Variants in IL23R observed in about 807,000 individuals in gnomAD.
The protein encoded by IL23R is interleukin 23 receptor, also known as interleukin-23 receptor.
Under a neutral mutation model 56.9 loss-of-function variants are expected in IL23R, and 34 were observed. That is an observed-to-expected ratio of 0.60 (90% CI 0.45 to 0.80). The LOEUF (loss-of-function observed/expected upper bound fraction) is 0.80, where lower values mean the gene tolerates loss of function less well. Among genes scored for constraint, IL23R ranks in the 30% least tolerant of loss-of-function variants. The pLI is 0.00. For synonymous variants in IL23R, 230 were observed against 249.2 expected (o/e 0.92, Z 0.73); for missense variants, 635 against 730.0 (o/e 0.87, Z 1.50).
chr1:67,182,941 A>G lies in IL23R; in HGVS notation c.473A>G (p.Tyr158Cys). 1 of 1,614,008 alleles carries G rather than the reference A, an allele frequency of 6.2e-7. No homozygotes were observed. Among genetic ancestry groups the G allele is most frequent in the Non-Finnish European group, 8.5e-7 (1 of 1,179,916 alleles). Reference sequence around the variant, plus strand: ...AAGCTCACCTACATAGACACAAAATACGTGGTACATGTGAAGAGGTAGGTC... The same window carrying G: ...AAGCTCACCTACATAGACACAAAATGCGTGGTACATGTGAAGAGGTAGGTC... ...AGKLTYIDTKYVVHVKSLETE... is the reference protein window; with the variant it reads ...AGKLTYIDTKCVVHVKSLETE... Residue 158 changes from tyrosine to cysteine, a missense_variant, in exon 4 of 11, where the codon TAC (tyrosine) becomes TGC (cysteine). By Grantham distance (194) the Tyr-to-Cys change is radical. Transcript: ENST00000347310.
chr1:67,265,303 A>T, the IL23R span, among the ~76,000 whole-genome samples: 1 of 152,226 alleles, frequency 6.6e-6, no homozygotes, highest in African/African-American at 2.4e-5. Context: ...TACCAGTGTA[A>T]ATGGAGTGAA....
chr1:67,206,800 T>C, intron 5 of IL23R, 110 bp from the exon 6 acceptor site: 1 of 1,198,224 alleles, frequency 8.3e-7, no homozygotes. Context: ...TGAATTTTAT[T>C]TTTTTTTACT....
downstream of IL23R, among the ~76,000 whole-genome samples, chr1:67,262,824 C>G (rs1653234419): frequency 6.6e-6 from 1 of 152,096 alleles, no homozygotes; most frequent in East Asian, 1.9e-4. Context: ...GAAAAAGCCT[C>G]TCAAGGTATC....
chr1:67,238,150 C>G (rs1558259465), intron 8 of IL23R, among the ~76,000 whole-genome samples: 1 of 151,978 alleles, frequency 6.6e-6, no homozygotes, highest in African/African-American at 2.4e-5. Flanking sequence ...GAGTTTGAGA[C>G]CAGCCTGCAC....
chr1:67,170,571 A>G (rs911978358), intron 3 of IL23R, among the ~76,000 whole-genome samples: 7 of 152,222 alleles, frequency 4.6e-5, no homozygotes, highest in Admixed American at 4.6e-4. Flanking sequence ...TCGTATAATT[A>G]TATACCTAGT....
chr1:67,205,926 T>TCTTTCTTTC (rs1553291058), intron 5 of IL23R, among the ~76,000 whole-genome samples: 13 of 102,456 alleles, frequency 1.3e-4, no homozygotes, highest in African/African-American at 4.4e-4. Flanking sequence ...TTTCTTTCTT[T>TCTTTCTTTC]TTCTTTCTTT....
At chr1:67,226,942 A>G (rs1558253333) in intron 7 of IL23R, among the ~76,000 whole-genome samples, 2 of 152,150 alleles carry the variant, frequency 1.3e-5, no homozygotes, top group Non-Finnish European at 2.9e-5. Context: ...AGGATATAGG[A>G]CTGTTGTCGT....
At chr1:67,147,648 C>A (rs897280375) in intron 1 of IL23R, among the ~76,000 whole-genome samples, 3 of 151,770 alleles carry the variant, frequency 2.0e-5, no homozygotes, top group African/African-American at 7.3e-5. Context: ...TGCAGTGAGC[C>A]GAGATCATGC....
intron 1 of IL23R, among the ~76,000 whole-genome samples, chr1:67,146,148 C>T (rs1367860875): frequency 6.6e-6 from 1 of 152,166 alleles, no homozygotes; most frequent in East Asian, 1.9e-4. Context: ...ACTGCAGCCT[C>T]AGTCAACATC....
At chr1:67,171,674 G>A (rs1646945405) in intron 3 of IL23R, among the ~76,000 whole-genome samples, 2 of 152,116 alleles carry the variant, frequency 1.3e-5, no homozygotes, top group Non-Finnish European at 2.9e-5. Context: ...CTAGTCTGTG[G>A]GAGTTTTACC....
At chr1:67,199,982 C>T (rs1648490772) in intron 4 of IL23R, among the ~76,000 whole-genome samples, 1 of 152,136 alleles carries the variant, frequency 6.6e-6, no homozygotes, top group Non-Finnish European at 1.5e-5. Context: ...TGAGACCAGC[C>T]TGAGCAACAC....
intron 7 of IL23R, among the ~76,000 whole-genome samples, chr1:67,220,423 G>A (rs1172955682): frequency 1.3e-5 from 2 of 151,648 alleles, no homozygotes; most frequent in African/African-American, 4.8e-5. Flanking sequence ...ACAAAATAAA[G>A]CTACAAGATA....
intron 6 of IL23R, among the ~76,000 whole-genome samples, chr1:67,214,486 C>T (rs904377656): frequency 3.3e-5 from 5 of 152,240 alleles, no homozygotes; most frequent in Middle Eastern, 6.8e-3. Flanking sequence ...CTTTCAGTTC[C>T]ATTTGCCACT....
At chr1:67,184,906 C>T (rs1408190473) in intron 4 of IL23R, among the ~76,000 whole-genome samples, 1 of 152,030 alleles carries the variant, frequency 6.6e-6, no homozygotes, top group East Asian at 1.9e-4. Flanking sequence ...AGGGTAAAGC[C>T]CTCATGGATG....
At chr1:67,259,965 G>GAAAAAAAAAAAAAAAAAAAAAAAA (rs372460431) in exon 11 of IL23R, 1 of 76,076 alleles carries the variant, frequency 1.3e-5, no homozygotes, top group Non-Finnish European at 2.3e-5. Context: ...ACTCTGTCTG[G>GAAAAAAAAAAAAAAAAAAAAAAAA]AAAAAAAAAA....
At chr1:67,188,624 A>G (rs1036032177) in intron 4 of IL23R, among the ~76,000 whole-genome samples, 3 of 152,252 alleles carry the variant, frequency 2.0e-5, no homozygotes, top group African/African-American at 7.2e-5. Flanking sequence ...TGACTATGAC[A>G]AAGCACCTAG....
At chr1:67,164,991 T>C (rs1335523941), upstream of IL23R, among the ~76,000 whole-genome samples, 1 of 152,210 alleles carries the variant, frequency 6.6e-6, no homozygotes, top group Non-Finnish European at 1.5e-5. Flanking sequence ...GCAGATTGCT[T>C]GAGTTCAGGA....
chr1:67,188,449 G>A (rs1226881099), intron 4 of IL23R, among the ~76,000 whole-genome samples: 1 of 152,204 alleles, frequency 6.6e-6, no homozygotes, highest in Non-Finnish European at 1.5e-5. Flanking sequence ...TGCTAGCTGT[G>A]TAATCTTAGA....
intron 1 of IL23R, among the ~76,000 whole-genome samples, chr1:67,142,393 G>A (rs1344468833): frequency 6.6e-6 from 1 of 152,060 alleles, no homozygotes; most frequent in Non-Finnish European, 1.5e-5. Context: ...AGAAAATTCT[G>A]TAGCCATCCC....
Sources: gnomAD v4.1 joint callset for allele counts (sites outside exome capture counted in the v4.1 genomes callset) on GRCh38, gnomAD v4.1.1 for gene constraint, MANE v1.5 for transcripts, NCBI Gene and HGNC (gene_info 2026-07-23, HGNC 2026-07-21) for gene names.